Variants in MTHFD1 observed in about 807,000 individuals in gnomAD.
MTHFD1 encodes the protein C-1-tetrahydrofolate synthase, cytoplasmic.
A neutral mutation model predicts 110.3 loss-of-function variants in MTHFD1; 44 were observed. The observed-to-expected ratio is 0.40, with a 90% CI of 0.31 to 0.51. The LOEUF (loss-of-function observed/expected upper bound fraction) is 0.51. MTHFD1 is among the 20% of genes least tolerant of loss of function. The probability of loss-of-function intolerance (pLI) is 0.60; values close to 1 mark genes in which losing one functional copy is unlikely to be tolerated. For missense variants in MTHFD1, 909 were observed against 1,173.1 expected, an observed-to-expected ratio of 0.77 and a Z score of 3.29; for synonymous variants, 402 against 428.8, an observed-to-expected ratio of 0.94 and a Z score of 0.77.
intron 16 of MTHFD1, among the ~76,000 whole-genome samples, 160 bp from the exon 17 acceptor site, chr14:64,438,936 T>A (rs1368633003): frequency 6.6e-6 from 1 of 152,256 alleles, no homozygotes; most frequent in East Asian, 1.9e-4. Context: ...TATATGAACA[T>A]CATTTCTTAA....
At chr14:64,389,499 G>A (rs2077787983) in intron 1 of MTHFD1, among the ~76,000 whole-genome samples, 1 of 152,074 alleles carries the variant, frequency 6.6e-6, no homozygotes, top group Non-Finnish European at 1.5e-5. Context: ...CCTGAGGTCT[G>A]GAGTTCAAGA....
intron 16 of MTHFD1, among the ~76,000 whole-genome samples, chr14:64,436,883 T>C (rs542134304): frequency 4.4e-4 from 67 of 152,338 alleles, no homozygotes; most frequent in African/African-American, 1.6e-3. Flanking sequence ...CTAGAGGCAG[T>C]CATACCTATT....
rs2077782091 is a variant in MTHFD1, at chr14:64,388,623, G to A, written c.41+155G>A. The A allele has an allele frequency of 2.9e-5, 22 of 746,104 alleles. No homozygotes were observed. The South Asian group carries it at 3.3e-4, about 11-fold the overall frequency. 46.2% of individuals were successfully genotyped at this position (746,104 alleles called of 1,614,324 possible). A position where few individuals can be genotyped will look rare whatever the true frequency, so the allele number is the denominator to read the frequency against. On this transcript the variant is annotated intron_variant, in intron 1 of 27. Transcript: ENST00000652337. ...ACCTGCAGCCAAAGAAAGAGAACCC[G>A]GGCACAACCTGCGTTTGCAAGTGGA...
intron 16 of MTHFD1, among the ~76,000 whole-genome samples, chr14:64,436,131 G>A: frequency 6.6e-6 from 1 of 151,298 alleles, no homozygotes; most frequent in East Asian, 1.9e-4. Context: ...GTCTCGCTCT[G>A]TCGCCCAGGC....
chr14:64,391,138 G>A (rs147935741), intron 1 of MTHFD1, among the ~76,000 whole-genome samples: 102 of 152,190 alleles, frequency 6.7e-4, no homozygotes, highest in African/African-American at 1.6e-3. Flanking sequence ...AAGGAATTTC[G>A]TAAGCTTTTC....
At chr14:64,456,427 C>T (rs2078475104) in intron 26 of MTHFD1, among the ~76,000 whole-genome samples, 1 of 152,208 alleles carries the variant, frequency 6.6e-6, no homozygotes, top group Admixed American at 6.5e-5. Flanking sequence ...TAGGTTCATA[C>T]ATGTGCGTAC....
At chr14:64,441,686 G>C (rs2078250387) in intron 19 of MTHFD1, 1 of 562,388 alleles carries the variant, frequency 1.8e-6, no homozygotes, top group Non-Finnish European at 3.2e-6. Context: ...GGCGCCTGTA[G>C]TCCCAGCTGC....
chr14:64,432,400 CTG>C (rs1322304864), intron 15 of MTHFD1, among the ~76,000 whole-genome samples: 1 of 152,208 alleles, frequency 6.6e-6, no homozygotes, highest in African/African-American at 2.4e-5. Context: ...AATGAAAACT[CTG>C]TTCACATAAA....
At chr14:64,393,062 T>A (rs2077819288) in intron 1 of MTHFD1, among the ~76,000 whole-genome samples, 1 of 152,232 alleles carries the variant, frequency 6.6e-6, no homozygotes, top group African/African-American at 2.4e-5. Context: ...AGACTTTTAC[T>A]TTGTCCTGTA....
In MTHFD1 at chr14:64,388,749, A is replaced by T. The variant is rs534397696; in HGVS notation, c.41+281A>T. ...GCTGCTGGTGACTTTCTGCCGGGAG[A>T]GTGGGTAGTTGCGGCTTCCTGGAGC... On this transcript the variant is annotated intron_variant, in intron 1 of 27. Transcript: ENST00000652337. 8.9e-4 allele frequency: 516 copies of T among 577,158 alleles called. 4 individuals carry two copies. In the South Asian group the frequency reaches 0.01, roughly 11 times the overall value. The allele number at this position is 577,158 out of a possible 1,614,324, so 35.8% of individuals were successfully genotyped here.
intron 12 of MTHFD1, among the ~76,000 whole-genome samples, chr14:64,427,715 G>A (rs535965082): frequency 6.6e-6 from 1 of 152,280 alleles, no homozygotes; most frequent in African/African-American, 2.4e-5. Context: ...GTAGCTGGAG[G>A]TGCTTTTATT....
chr14:64,396,876 G>C (rs1214547135), intron 1 of MTHFD1, among the ~76,000 whole-genome samples: 1 of 148,538 alleles, frequency 6.7e-6, no homozygotes, highest in Non-Finnish European at 1.5e-5. Context: ...AGGCCGAGGA[G>C]GGCAGATCAC....
At chr14:64,402,101 A>G (rs2077902119) in intron 2 of MTHFD1, among the ~76,000 whole-genome samples, 1 of 152,232 alleles carries the variant, frequency 6.6e-6, no homozygotes, top group Admixed American at 6.5e-5. Context: ...ATTAGTTGCA[A>G]TGTAGAATCT....
intron 1 of MTHFD1, among the ~76,000 whole-genome samples, chr14:64,395,464 G>A (rs1389691213): frequency 6.6e-6 from 1 of 152,168 alleles, no homozygotes; most frequent in Non-Finnish European, 1.5e-5. Context: ...TCATTGTTCA[G>A]GAATCCTACC....
At chr14:64,426,914 T>C (rs895507241) in intron 11 of MTHFD1, among the ~76,000 whole-genome samples, 1 of 152,212 alleles carries the variant, frequency 6.6e-6, no homozygotes, top group African/African-American at 2.4e-5. Context: ...CTCTACAAGA[T>C]AAAGTATATT....
intron 25 of MTHFD1, among the ~76,000 whole-genome samples, chr14:64,454,382 G>C (rs2078429753): frequency 6.6e-6 from 1 of 152,106 alleles, no homozygotes; most frequent in Non-Finnish European, 1.5e-5. Flanking sequence ...CAAAGTGCTG[G>C]AATTTATAGG....
At position 64,424,839 on chromosome 14, in the gene MTHFD1, G is replaced by A; in HGVS notation, c.763G>A (p.Asp255Asn). ...KKPNGRKVVG[D>N]VAYDEAKERA... ...ACCAAATGGGAGAAAAGTTGTGGGT[G>A]ATGTGGCATACGACGAGGCCAAAGA... The change falls in exon 9 of 28, where the codon GAT (aspartate) becomes AAT (asparagine). Residue 255 changes from aspartate (D) to asparagine (N), a missense_variant. Coordinates refer to ENST00000652337, the MANE Select transcript of MTHFD1 (RefSeq NM_005956.4). 16 of 1,614,144 alleles carry A rather than the reference G, an allele frequency of 9.9e-6. No individual in the cohort carries two copies. Among genetic ancestry groups the A allele is most frequent in the Admixed American group, 1.7e-5 (1 of 59,998 alleles).
chr14:64,414,943 C>T (rs2078014065), intron 4 of MTHFD1, among the ~76,000 whole-genome samples: 1 of 152,152 alleles, frequency 6.6e-6, no homozygotes, highest in Non-Finnish European at 1.5e-5. Context: ...CCCACCTCAG[C>T]CTCCCAAAGT....
chr14:64,395,792 A>G (rs1447701546), intron 1 of MTHFD1, among the ~76,000 whole-genome samples: 1 of 152,128 alleles, frequency 6.6e-6, no homozygotes, highest in Non-Finnish European at 1.5e-5. Context: ...ACAAAGGATG[A>G]TCTGGTCCAA....
Sources: allele counts gnomAD v4.1 joint callset (sites outside exome capture counted in the v4.1 genomes callset), GRCh38; gene constraint gnomAD v4.1.1; transcripts MANE v1.5; gene names NCBI Gene and HGNC (gene_info 2026-07-23, HGNC 2026-07-21).